Variants in CCDC9 observed in about 807,000 individuals in gnomAD.
CCDC9 encodes coiled-coil domain containing 9.
Under a neutral mutation model 65.6 loss-of-function variants are expected in CCDC9, and 52 were observed. That is an observed-to-expected ratio of 0.79 (90% confidence interval 0.63 to 1.00). The LOEUF (loss-of-function observed/expected upper bound fraction) is 1.00. CCDC9 is among the 50% of genes least tolerant of loss of function. CCDC9 has a pLI of 0.00. For missense variants in CCDC9, 834 were observed against 757.2 expected (o/e 1.10, Z -1.19); for synonymous variants, 332 against 280.3 (o/e 1.18, Z -1.84).
At chr19:47,257,035 T>C (rs1309675277) in intron 1 of CCDC9, among the ~76,000 whole-genome samples, 13 of 88,286 alleles carry the variant, frequency 1.5e-4, no homozygotes, top group Non-Finnish European at 3.1e-4. Flanking sequence ...GGCCACAATG[T>C]AGTGGGGGAG....
Position 47,270,448 on chromosome 19 carries a change from G to C in CCDC9, c.944G>C (p.Arg315Pro), listed in dbSNP as rs138726882. Residue 315 changes from arginine (R) to proline (P), a missense_variant, in exon 9 of 12, where the codon CGC (arginine) becomes CCC (proline). Physicochemically the swap from Arg to Pro is moderately radical, Grantham distance 103. Transcript: ENST00000221922. ...GPVPAHEPSH[R>P]YDDQAWARPP... ...GTCCCTGCCCATGAACCATCCCACC[G>C]CTATGGTGAGTGGGTGCCCTTGGAT... The C allele has an allele frequency of 1.9e-6, 3 of 1,614,126 alleles. No individual in the cohort carries two copies. Among genetic ancestry groups the C allele is most frequent in the Non-Finnish European group, 2.5e-6 (3 of 1,180,022 alleles).
chr19:47,274,611 C>A (rs1055044726), downstream of CCDC9: 5 of 199,900 alleles, frequency 2.5e-5, no homozygotes, highest in Non-Finnish European at 3.7e-5. Context: ...TGGATGAAGT[C>A]CGAGTCTGGG....
intron 8 of CCDC9, among the ~76,000 whole-genome samples, chr19:47,269,835 A>G (rs1482598957): frequency 6.6e-6 from 1 of 152,008 alleles, no homozygotes; most frequent in Non-Finnish European, 1.5e-5. Context: ...TCAGATAGGG[A>G]GTTGTGGGTC....
chr19:47,274,936 G>A, downstream of CCDC9: 3 of 1,345,366 alleles, frequency 2.2e-6, no homozygotes, highest in Non-Finnish European at 2.8e-6. Context: ...GGGACCAGCT[G>A]CGTGGGCGGC....
downstream of CCDC9, chr19:47,275,528 A>G: frequency 1.2e-6 from 1 of 834,622 alleles, no homozygotes; most frequent in Non-Finnish European, 1.8e-6. Flanking sequence ...TGCCTCTTGC[A>G]GCTACTCTGT....
At chr19:47,257,837 T>C (rs921195272) in intron 1 of CCDC9, 2 of 157,280 alleles carry the variant, frequency 1.3e-5, no homozygotes, top group African/African-American at 4.8e-5. Context: ...GGATTGGGAA[T>C]GTTTCTGAAC....
At chr19:47,268,910 T>A (rs546890459) in intron 8 of CCDC9, among the ~76,000 whole-genome samples, 1 of 149,878 alleles carries the variant, frequency 6.7e-6, no homozygotes, top group African/African-American at 2.5e-5. Flanking sequence ...AGAGAGAGAC[T>A]CCGTTTCAAA....
rs1486700287 is a variant in CCDC9 at position 47,270,420 on chromosome 19, C to G, written c.916C>G (p.Pro306Ala). The G allele has an allele frequency of 6.2e-7, 1 of 1,614,064 alleles. No individual in the cohort carries two copies. The highest frequency in any genetic ancestry group is 1.3e-5 in the African/African-American group (1 of 74,942). ...TCTTTCCCCCAGGTTCAAGGATGGC[C>G]CAGTCCCTGCCCATGAACCATCCCA... is the stretch of plus-strand genomic sequence containing the variant. ...EKTDGMFKDG[P>A]VPAHEPSHRY... Residue 306 changes from proline (P) to alanine (A), a missense_variant, in exon 9 of 12, where the codon CCA becomes GCA. Pro to Ala is a conservative substitution (Grantham distance 27, BLOSUM62 -1). Coordinates refer to ENST00000221922, the MANE Select transcript of CCDC9 (RefSeq NM_015603.3).
chr19:47,258,063 T>G, intron 1 of CCDC9: 2 of 404,526 alleles, frequency 4.9e-6, no homozygotes, highest in Non-Finnish European at 9.0e-6. Flanking sequence ...ACTTAAGCAG[T>G]GGGTGGGGGC....
chr19:47,275,253 AGCC>A (rs759940063), downstream of CCDC9: 29 of 1,538,418 alleles, frequency 1.9e-5, no homozygotes, highest in African/African-American at 8.4e-5. Flanking sequence ...GCTGCCGCTG[AGCC>A]GCCGCCGCCG....
Position 47,264,626 on chromosome 19 carries a change from G to A in CCDC9, c.486G>A (p.Gln162=). The A allele has an allele frequency of 6.2e-7, 1 of 1,602,358 alleles. No individual in the cohort carries two copies. The highest frequency in any genetic ancestry group is 1.1e-5 in the South Asian group (1 of 89,034). Residue 162 remains glutamine (Q), a synonymous_variant, in exon 6 of 12, where the codon CAG becomes CAA. Coordinates refer to ENST00000221922, the MANE Select transcript of CCDC9 (RefSeq NM_015603.3). ...AGGAGTGGGAGGAGCGGCGCAGGCA[G>A]AACATTGAGAAGATGAATGAGGAGA... ...KSKEWEERRR[Q]NIEKMNEEME... is the part of the protein sequence containing the mutation.
chr19:47,272,223 G>A, downstream of CCDC9: 2 of 1,119,742 alleles, frequency 1.8e-6, no homozygotes, highest in Non-Finnish European at 2.3e-6. Context: ...GGGGCTGAGG[G>A]GCAGAGGGCT....
chr19:47,269,114 A>C (rs2059100402), intron 8 of CCDC9, among the ~76,000 whole-genome samples: 1 of 151,974 alleles, frequency 6.6e-6, no homozygotes, highest in Admixed American at 6.6e-5. Context: ...TCTAAGAAAA[A>C]AAAATGCATG....
At chr19:47,263,168 TG>T (rs2123455957) in intron 5 of CCDC9, among the ~76,000 whole-genome samples, 1 of 151,816 alleles carries the variant, frequency 6.6e-6, no homozygotes, top group Non-Finnish European at 1.5e-5. Flanking sequence ...TTGTGGTTGG[TG>T]GGGGTAGGTC....
chr19:47,270,782 C>T, intron 10 of CCDC9, 94 bp downstream of exon 10: 1 of 1,350,924 alleles, frequency 7.4e-7, no homozygotes, highest in South Asian at 1.4e-5. Flanking sequence ...GTACATCTGT[C>T]TGTCCCTGTC....
intron 8 of CCDC9, 26 bp from the exon 9 acceptor site, chr19:47,270,381 C>T (rs1318360081): frequency 6.2e-7 from 1 of 1,613,260 alleles, no homozygotes; most frequent in South Asian, 1.1e-5. Context: ...CCCCAGCTGC[C>T]CGCTCACCCG....
Position 47,270,725 on chromosome 19 carries a change from G to A in CCDC9, c.1085+37G>A, listed in dbSNP as rs745887102. 6 of 1,580,430 alleles carry A rather than the reference G, an allele frequency of 3.8e-6. No individual in the cohort carries two copies. The South Asian group carries it at 6.7e-5, about 18-fold the overall frequency. Reference sequence around the variant, plus strand: ...CTTCTGCGGGCTTGCATACCCCCAGGGCTCTCCGCAGGGCGTTCTCTTCTT... The same window carrying A: ...CTTCTGCGGGCTTGCATACCCCCAGAGCTCTCCGCAGGGCGTTCTCTTCTT... On this transcript the variant is annotated intron_variant, in intron 10 of 11. Coordinates refer to ENST00000221922, the MANE Select transcript of CCDC9 (RefSeq NM_015603.3).
At chr19:47,267,968 C>G (rs2059093462) in intron 8 of CCDC9, among the ~76,000 whole-genome samples, 1 of 152,110 alleles carries the variant, frequency 6.6e-6, no homozygotes, top group Admixed American at 6.6e-5. Flanking sequence ...CTGCCTCAGC[C>G]TCCTGAGTAG....
chr19:47,257,618 C>G (rs1434710043), intron 1 of CCDC9: 4 of 152,590 alleles, frequency 2.6e-5, no homozygotes, highest in Admixed American at 1.3e-4. Context: ...GTGGAGTATT[C>G]AGTGGGGCAA....
Sources: gnomAD v4.1 joint callset for allele counts (sites outside exome capture counted in the v4.1 genomes callset) on GRCh38, gnomAD v4.1.1 for gene constraint, MANE v1.5 for transcripts, NCBI Gene and HGNC (gene_info 2026-07-23, HGNC 2026-07-21) for gene names.